The following CHEK1 variants were observed in gnomAD, a reference collection of about 807,000 sequenced individuals.
CHEK1 encodes serine/threonine-protein kinase Chk1.
Under a neutral mutation model 60.2 loss-of-function variants are expected in CHEK1, and 32 were observed. The ratio of observed to expected loss-of-function variants is 0.53; its 90% CI spans 0.40 to 0.71. The LOEUF is 0.71. Ranked by LOEUF, CHEK1 falls within the 30% of genes least tolerant of loss-of-function variation. The probability of loss-of-function intolerance (pLI) is 0.00; values close to 1 mark genes in which losing one functional copy is unlikely to be tolerated. For missense variants in CHEK1, 399 were observed against 564.6 expected, an observed-to-expected ratio of 0.71 and a Z score of 2.97; for synonymous variants, 179 against 187.2, an observed-to-expected ratio of 0.96 and a Z score of 0.36.
chr11:125,643,323 C>CAAAAAAAAAAAAA (rs67970826), intron 8 of CHEK1: 2 of 107,904 alleles, frequency 1.9e-5, no homozygotes, highest in African/African-American at 3.8e-5. Context: ...CCTAAAAATA[C>CAAAAAAAAAAAAA]AAAAAAAAAA....
Position 125,644,077 on chromosome 11 carries a change from T to C in CHEK1, c.924-14T>C, listed in dbSNP as rs1397854874. The C allele has an allele frequency of 3.1e-6, 5 of 1,605,918 alleles. No individual in the cohort carries two copies. In the South Asian group the frequency reaches 5.6e-5, roughly 18 times the overall value. On this transcript the variant is annotated splice_polypyrimidine_tract_variant and intron_variant, in intron 9 of 12. Coordinates refer to ENST00000438015, the MANE Select transcript of CHEK1 (RefSeq NM_001114122.3). ...TTTATTAAATGTATGTTTCTTTCTG[T>C]CTTAATGCCTCAGTGAAGAAAATGT...
chr11:125,665,670 T>C (rs546795077), intron 13 of CHEK1, among the ~76,000 whole-genome samples: 1 of 152,220 alleles, frequency 6.6e-6, no homozygotes, highest in East Asian at 1.9e-4. Flanking sequence ...ATTATTGATA[T>C]GTTCAGGTTT....
intron 13 of CHEK1, among the ~76,000 whole-genome samples, chr11:125,675,733 A>G (rs1942471278): frequency 6.6e-6 from 1 of 152,134 alleles, no homozygotes; most frequent in South Asian, 2.1e-4. Context: ...GGTCCCAGGA[A>G]TATATAGCTA....
At position 125,633,252 on chromosome 11, in the gene CHEK1, C is replaced by A; in HGVS notation, c.514C>A (p.Pro172Thr). Residue 172 changes from proline to threonine, a missense_variant, in exon 6 of 13, where the codon CCA becomes ACA. Physicochemically the swap from Pro to Thr is conservative, Grantham distance 38. Transcript: ENST00000438015. ...RLLNKMCGTL[P>T]YVAPELLKRR... is the part of the protein sequence containing the mutation. ...GTTGAACAAGATGTGTGGTACTTTA[C>A]CATATGTTGCTCCAGAACTTCTGAA... is the stretch of plus-strand genomic sequence containing the variant. The A allele has an allele frequency of 6.2e-7, 1 of 1,607,056 alleles. No individual in the cohort carries two copies. The highest frequency in any genetic ancestry group is 8.5e-7 in the Non-Finnish European group (1 of 1,178,174).
chr11:125,673,595 A>G (rs1207095371), intron 13 of CHEK1, among the ~76,000 whole-genome samples: 1 of 152,084 alleles, frequency 6.6e-6, no homozygotes, highest in Non-Finnish European at 1.5e-5. Flanking sequence ...TGCTCTCCCA[A>G]GTTGAACTGT....
At chr11:125,655,086 C>A in intron 12 of CHEK1, 139 bp from the exon 13 acceptor site, 1 of 622,626 alleles carries the variant, frequency 1.6e-6, no homozygotes. Flanking sequence ...TCTTCATAAA[C>A]AGACCGAAAA....
chr11:125,629,388 T>G lies in CHEK1; in HGVS notation c.355-3T>G. The stretch of plus-strand genomic sequence containing the variant: ...AGTGTGTTTCTCTCTGCATCCCTCT[T>G]AGGTTTATCTGCATGGTATTGGAAT... On this transcript the variant is annotated splice_polypyrimidine_tract_variant and splice_region_variant and intron_variant, in intron 4 of 12. Coordinates refer to ENST00000438015, the MANE Select transcript of CHEK1 (RefSeq NM_001114122.3). 1 of 1,613,788 alleles carries G rather than the reference T, an allele frequency of 6.2e-7. No individual in the cohort carries two copies. The highest frequency in any genetic ancestry group is 8.5e-7 in the Non-Finnish European group (1 of 1,179,740).
Position 125,625,641 on chromosome 11 carries a change from C to G in CHEK1, c.-392C>G, listed in dbSNP as rs1565359349. On this transcript the variant is annotated 5_prime_UTR_variant, in exon 1 of 13. Coordinates refer to ENST00000438015, the MANE Select transcript of CHEK1 (RefSeq NM_001114122.3). ...GCCCCGCCTGGAAGCGCAGCGCGGT[C>G]GGTCGCGCGCCCCTGAGGCTTGGAG... 5.0e-6 allele frequency: 3 copies of G among 595,474 alleles called. No homozygotes were observed. The East Asian group carries it at 8.3e-5, about 16-fold the overall frequency. The allele number at this position is 595,474 out of a possible 1,614,324, so 36.9% of individuals were successfully genotyped here.
At chr11:125,672,517 C>G (rs916009382) in intron 13 of CHEK1, 40 of 1,565,764 alleles carry the variant, frequency 2.6e-5, no homozygotes, top group Admixed American at 7.1e-5. Context: ...GGGGAAGGAA[C>G]TAAATATAAA....
At chr11:125,654,676 A>G (rs776732737) in intron 12 of CHEK1, among the ~76,000 whole-genome samples, 31 of 152,188 alleles carry the variant, frequency 2.0e-4, no homozygotes, top group Non-Finnish European at 3.4e-4. Context: ...GAGAGATTGT[A>G]TGTGGCTCTA....
At chr11:125,636,286 G>A (rs1941071793) in intron 7 of CHEK1, among the ~76,000 whole-genome samples, 1 of 152,142 alleles carries the variant, frequency 6.6e-6, no homozygotes, top group African/African-American at 2.4e-5. Flanking sequence ...GACTATAATT[G>A]TAGGTCTACA....
chr11:125,628,916 TGGG>T (rs760164722), intron 3 of CHEK1, among the ~76,000 whole-genome samples: 9 of 152,226 alleles, frequency 5.9e-5, no homozygotes, highest in Middle Eastern at 3.4e-3. Context: ...TTAGAAGAAA[TGGG>T]GGGAATTTCA....
downstream of CHEK1, among the ~76,000 whole-genome samples, chr11:125,660,427 T>G (rs1386971507): frequency 6.6e-6 from 1 of 152,172 alleles, no homozygotes; most frequent in Non-Finnish European, 1.5e-5. Flanking sequence ...GGTCTCATTA[T>G]ATTGCCTAGG....
intron 13 of CHEK1, among the ~76,000 whole-genome samples, chr11:125,674,486 G>T (rs538589229): frequency 6.6e-6 from 1 of 152,214 alleles, no homozygotes; most frequent in African/African-American, 2.4e-5. Flanking sequence ...GGTGACTTGC[G>T]TAGCTGGAGT....
intron 1 of CHEK1, 66 bp downstream of exon 1, chr11:125,626,078 G>A (rs1484897680): frequency 1.5e-6 from 1 of 669,724 alleles, no homozygotes; most frequent in African/African-American, 1.8e-5. Context: ...CTAGATTAGT[G>A]AGGGAGGGCA....
In CHEK1 at chr11:125,625,376, G is replaced by A. The variant is rs1457387100; in HGVS notation, c.-657G>A. The A allele has an allele frequency of 1.2e-5, 3 of 259,418 alleles. No individual in the cohort carries two copies. In the East Asian group the frequency reaches 1.7e-4, roughly 15 times the overall value. The allele number at this position is 259,418 out of a possible 1,614,324, so 16.1% of individuals were successfully genotyped here. Reference sequence around the variant, plus strand: ...GAAACTTGCCCCGCCACACACACTTGACTGCGTGGCCAGTTCTTTCGAAGC... The same window carrying A: ...GAAACTTGCCCCGCCACACACACTTAACTGCGTGGCCAGTTCTTTCGAAGC... On this transcript the variant is annotated 5_prime_UTR_variant, in exon 1 of 13. Transcript: ENST00000438015.
At position 125,653,696 on chromosome 11, in the gene CHEK1, G is replaced by T; in HGVS notation, c.1234-50G>T. 2.2e-6 allele frequency: 2 copies of T among 889,166 alleles called. No homozygotes were observed. 55.1% of individuals were successfully genotyped at this position (889,166 alleles called of 1,614,324 possible). A position where few individuals can be genotyped will look rare whatever the true frequency, so the allele number is the denominator to read the frequency against. The stretch of plus-strand genomic sequence containing the variant: ...TCTGTTCTTCATAGTGGGTTTACTA[G>T]TTTATTATCTACTCACCCATGTGGC... On this transcript the variant is annotated intron_variant, in intron 11 of 12. Transcript: ENST00000438015. The surrounding 1 kb of genome is among the most constrained non-coding windows in gnomAD (Gnocchi z 4.3).
At chr11:125,640,623 G>A (rs1398755625) in intron 8 of CHEK1, among the ~76,000 whole-genome samples, 1 of 151,988 alleles carries the variant, frequency 6.6e-6, no homozygotes, top group South Asian at 2.1e-4. Context: ...AGACTGGAGT[G>A]CAGTGGCGTG....
rs1411312873 is a variant in CHEK1, at chr11:125,669,546, T to C, written c.*28-6382T>C. Among the ~76,000 whole-genome samples the C allele has an allele frequency of 1.8e-4, 26 of 142,486 alleles. No individual in the cohort carries two copies. In the East Asian group the frequency reaches 2.9e-3, roughly 16 times the overall value. The allele number at this position is 142,486 out of a possible 152,430, so 93.5% of individuals were successfully genotyped here. On this transcript the variant is annotated intron_variant, in intron 13 of 13. Transcript: ENST00000428830. ...CCTTTTTTTTTTTTTTTTTTTGTGA[T>C]GAAGTCTCGCTCTGTCGCCCAGGCT...
Sources: gnomAD v4.1 joint callset for allele counts (sites outside exome capture counted in the v4.1 genomes callset) on GRCh38, gnomAD v4.1.1 for gene constraint, Gnocchi (gnomAD v3.1) non-coding constraint, MANE v1.5 for transcripts, NCBI Gene and HGNC (gene_info 2026-07-23, HGNC 2026-07-21) for gene names.